Variants in COL21A1 observed in about 807,000 individuals in gnomAD.
The protein encoded by COL21A1 is collagen type XXI alpha 1 chain, also known as collagen alpha-1(XXI) chain.
A neutral mutation model predicts 137.9 loss-of-function variants in COL21A1; 149 were observed. That is an observed-to-expected ratio of 1.08 (90% CI 0.95 to 1.24). COL21A1 has a LOEUF of 1.24. Ranked by LOEUF, COL21A1 falls within the 50% of genes most tolerant of loss-of-function variation. The pLI, the probability that COL21A1 is intolerant of heterozygous loss-of-function variation, is 0.00. For synonymous variants in COL21A1, 456 were observed against 391.5 expected (o/e 1.16, Z -1.95); for missense variants, 1,167 against 1,158.4 (o/e 1.01, Z -0.11).
At chr6:56,228,790 C>A (rs1263144854) in intron 1 of COL21A1, among the ~76,000 whole-genome samples, 1 of 151,542 alleles carries the variant, frequency 6.6e-6, no homozygotes, top group African/African-American at 2.4e-5. Context: ...CATTAAAACT[C>A]CTTGTATGGA....
chr6:56,179,654 A>G lies in COL21A1; in HGVS notation c.564T>C (p.Ser188=). 6.2e-7 allele frequency: 1 copy of G among 1,613,964 alleles called. No homozygotes were observed. Among genetic ancestry groups the G allele is most frequent in the Non-Finnish European group, 8.5e-7 (1 of 1,179,874 alleles). The stretch of plus-strand genomic sequence containing the variant: ...AGTCTTCCACATAAAACACATAAGT[A>G]GACGAAGGCTTGTTGGCAATAGCTC... The part of the protein sequence containing the change: ...ELRAIANKPS[S]TYVFYVEDYI... The change falls in exon 3 of 30, where the codon TCT becomes TCC. Residue 188 remains serine (S), a synonymous_variant. Transcript: ENST00000244728.
At chr6:56,309,774 A>G (rs745679448) in intron 1 of COL21A1, among the ~76,000 whole-genome samples, 1 of 152,252 alleles carries the variant, frequency 6.6e-6, no homozygotes, top group African/African-American at 2.4e-5. Flanking sequence ...ATATAAGCCT[A>G]TAAATGCATG....
chr6:56,296,813 T>A (rs934360763), intron 1 of COL21A1, among the ~76,000 whole-genome samples: 1 of 152,028 alleles, frequency 6.6e-6, no homozygotes, highest in Non-Finnish European at 1.5e-5. Context: ...ACTTGAGAAA[T>A]CATGTACTCT....
At position 56,156,931 on chromosome 6, in the gene COL21A1, C is replaced by A; in HGVS notation, c.1390G>T (p.Gly464Trp). 1 of 1,611,678 alleles carries A rather than the reference C, an allele frequency of 6.2e-7. No individual in the cohort carries two copies. ...QGPKGDPGLPGNPGYPGQPGQ... is the reference protein window; with the variant it reads ...QGPKGDPGLPWNPGYPGQPGQ... ...GGTTGTCCAGGGTAGCCAGGGTTCCCAGGCAGTCCAGGGTCACCCTAAGCA... is the reference window on the plus strand; with the variant it reads ...GGTTGTCCAGGGTAGCCAGGGTTCCAAGGCAGTCCAGGGTCACCCTAAGCA... The change falls in exon 10 of 30, where the codon GGG becomes TGG. Residue 464 changes from glycine to tryptophan, a missense_variant. Coordinates refer to ENST00000244728, the MANE Select transcript of COL21A1 (RefSeq NM_030820.4).
intron 16 of COL21A1, among the ~76,000 whole-genome samples, chr6:56,103,851 G>A (rs1770656324): frequency 6.6e-6 from 1 of 152,124 alleles, no homozygotes; most frequent in Admixed American, 6.5e-5. Context: ...TCCTGATATG[G>A]TAGGTCTGGG....
At chr6:56,133,523 G>A (rs764209851) in intron 12 of COL21A1, among the ~76,000 whole-genome samples, 26 of 152,296 alleles carry the variant, frequency 1.7e-4, no homozygotes, top group South Asian at 2.1e-4. Context: ...CATTTTCTGC[G>A]GAGAAATTTA....
chr6:56,243,158 T>C (rs1303786994), intron 1 of COL21A1, among the ~76,000 whole-genome samples: 1 of 152,174 alleles, frequency 6.6e-6, no homozygotes, highest in Non-Finnish European at 1.5e-5. Context: ...GAATATAGTG[T>C]GTAGATATGT....
At chr6:56,309,725 C>A (rs1230309113) in intron 1 of COL21A1, among the ~76,000 whole-genome samples, 1 of 152,178 alleles carries the variant, frequency 6.6e-6, no homozygotes, top group Non-Finnish European at 1.5e-5. Flanking sequence ...GGGACCTGAG[C>A]AGTTCATCAC....
chr6:56,274,226 A>T (rs1202778171), intron 1 of COL21A1, among the ~76,000 whole-genome samples: 1 of 152,228 alleles, frequency 6.6e-6, no homozygotes, highest in African/African-American at 2.4e-5. Context: ...TCAAAATAAT[A>T]GGAGCCATCT....
chr6:56,312,983 T>C (rs1764645808), intron 1 of COL21A1, among the ~76,000 whole-genome samples: 2 of 152,124 alleles, frequency 1.3e-5, no homozygotes, highest in Non-Finnish European at 2.9e-5. Flanking sequence ...TCCATAGCCT[T>C]CCGCACTAGG....
chr6:56,142,913 C>T (rs901065108), intron 10 of COL21A1, among the ~76,000 whole-genome samples: 2 of 152,274 alleles, frequency 1.3e-5, no homozygotes, highest in Admixed American at 6.5e-5. Flanking sequence ...AATCTAAAAG[C>T]TTCATTTCTA....
chr6:56,197,934 C>T (rs891021103), intron 1 of COL21A1, among the ~76,000 whole-genome samples: 4 of 151,804 alleles, frequency 2.6e-5, no homozygotes, highest in South Asian at 4.2e-4. Context: ...TTACAGTAGC[C>T]GAGATATGGA....
chr6:56,387,124 C>T (rs2094019644), intron 1 of COL21A1, among the ~76,000 whole-genome samples: 1 of 152,224 alleles, frequency 6.6e-6, no homozygotes, highest in Admixed American at 6.5e-5. Context: ...ATAAGCTCCT[C>T]TGATTTCAGG....
intron 16 of COL21A1, among the ~76,000 whole-genome samples, chr6:56,120,863 A>G (rs1028789369): frequency 7.2e-5 from 11 of 152,026 alleles, no homozygotes; most frequent in Non-Finnish European, 1.3e-4. Flanking sequence ...ACTGCTGGGT[A>G]TGTACCCAAA....
At chr6:56,168,688 A>G (rs1194538242) in intron 5 of COL21A1, among the ~76,000 whole-genome samples, 1 of 151,956 alleles carries the variant, frequency 6.6e-6, no homozygotes, top group African/African-American at 2.4e-5. Context: ...TGGAATTCAA[A>G]CAATCTTGAT....
At chr6:56,241,186 A>T (rs1488586022) in intron 1 of COL21A1, among the ~76,000 whole-genome samples, 1 of 152,176 alleles carries the variant, frequency 6.6e-6, no homozygotes, top group African/African-American at 2.4e-5. Context: ...TTTCGGAGGT[A>T]ATTAGATAAC....
At chr6:56,261,103 A>G (rs1040785293) in intron 1 of COL21A1, among the ~76,000 whole-genome samples, 3 of 151,928 alleles carry the variant, frequency 2.0e-5, no homozygotes, top group Non-Finnish European at 2.9e-5. Context: ...CTACAAATCC[A>G]AAGATCTTTC....
intron 1 of COL21A1, among the ~76,000 whole-genome samples, chr6:56,362,512 T>C (rs929325589): frequency 4.6e-5 from 7 of 152,218 alleles, no homozygotes; most frequent in Non-Finnish European, 1.0e-4. Context: ...TTTGTTCAAA[T>C]ACATTTTACT....
At chr6:56,230,265 T>C (rs563119721) in intron 1 of COL21A1, among the ~76,000 whole-genome samples, 2 of 152,056 alleles carry the variant, frequency 1.3e-5, no homozygotes, top group African/African-American at 2.4e-5. Flanking sequence ...GGGGGAATCT[T>C]GTATCAATCT....
Sources: allele counts gnomAD v4.1 joint callset (sites outside exome capture counted in the v4.1 genomes callset), GRCh38; gene constraint gnomAD v4.1.1; transcripts MANE v1.5; gene names NCBI Gene and HGNC (gene_info 2026-07-23, HGNC 2026-07-21).